Variants in PRDM1 observed in about 807,000 individuals in gnomAD.
PRDM1 encodes PR domain zinc finger protein 1.
PRDM1 carries 13 observed loss-of-function variants against 62.8 expected under a neutral mutation model. That is an observed-to-expected ratio of 0.21 (90% CI 0.13 to 0.33). The LOEUF is 0.33. Ranked by LOEUF, PRDM1 falls within the 10% of genes least tolerant of loss-of-function variation. The pLI, the probability that PRDM1 is intolerant of heterozygous loss-of-function variation, is 1.00. For missense variants in PRDM1, 895 were observed against 1,058.8 expected (o/e 0.85, Z 2.15); for synonymous variants, 396 against 417.6 (o/e 0.95, Z 0.63).
intron 1 of PRDM1, among the ~76,000 whole-genome samples, chr6:106,007,692 A>G (rs1347811736): frequency 6.6e-6 from 1 of 152,162 alleles, no homozygotes; most frequent in Non-Finnish European, 1.5e-5. Context: ...TCCTTTACCT[A>G]AGAGTTCTCC....
intron 1 of PRDM1, among the ~76,000 whole-genome samples, chr6:106,041,859 G>A (rs1342810511): frequency 1.4e-5 from 2 of 145,592 alleles, no homozygotes; most frequent in Admixed American, 7.0e-5. Flanking sequence ...TCAGGCTGGA[G>A]TATAATGGCA....
At chr6:106,031,690 A>AT (rs1455924382) in intron 1 of PRDM1, among the ~76,000 whole-genome samples, 3 of 152,142 alleles carry the variant, frequency 2.0e-5, no homozygotes, top group African/African-American at 7.2e-5. Context: ...GGAAACCATG[A>AT]TTTTATCTGA....
At position 106,059,303 on chromosome 6, in the gene PRDM1, ACT is replaced by A. The variant is rs373271915; in HGVS notation, c.-67+10594_-67+10595del. Among the ~76,000 whole-genome samples the A allele has an allele frequency of 6.2e-4, 95 of 152,228 alleles. 1 individual carries two copies. The East Asian group carries it at 0.016, about 25-fold the overall frequency. On this transcript the variant is annotated intron_variant, in intron 1 of 6. Coordinates refer to the PRDM1 transcript ENST00000651185. Reference sequence around the variant, plus strand: ...GATAGAGCTCTGTAGACCAAAAAAGACTCTCTGAGGAGGTGGCATTTGAGTAG... The same window carrying A: ...GATAGAGCTCTGTAGACCAAAAAAGACTCTGAGGAGGTGGCATTTGAGTAG...
upstream of PRDM1, among the ~76,000 whole-genome samples, chr6:106,044,131 G>T (rs1378394695): frequency 2.0e-4 from 30 of 150,138 alleles, no homozygotes; most frequent in East Asian, 5.2e-3. Flanking sequence ...TCTTTGGAAA[G>T]CAAAAGCTTT....
rs1460056074 is a variant in PRDM1 at position 106,105,888 on chromosome 6, A to G, written c.1728A>G (p.Glu576=). ...LKKQNGKIKY[E]CNVCAKTFGQ... ...AGCAGAACGGCAAGATCAAGTACGA[A>G]TGCAACGTTTGCGCCAAGACTTTCG... is the stretch of plus-strand genomic sequence containing the variant. The change falls in exon 5 of 7, where the codon GAA becomes GAG. Residue 576 remains glutamate (E), a synonymous_variant. Coordinates refer to ENST00000369096, the MANE Select transcript of PRDM1 (RefSeq NM_001198.4). 4 of 1,613,930 alleles carry G rather than the reference A, an allele frequency of 2.5e-6. No homozygotes were observed. Among genetic ancestry groups the G allele is most frequent in the Non-Finnish European group, 3.4e-6 (4 of 1,179,984 alleles).
Position 106,108,481 on chromosome 6 carries a change from G to A in PRDM1, c.*995G>A, listed in dbSNP as rs1289158016. On this transcript the variant is annotated 3_prime_UTR_variant, in exon 7 of 7. Transcript: ENST00000369096. ...TGGCTTTGTGTGTGTGCGATTTGGG[G>A]GCTTGAGTCTGGGTGGTGTTTTGTT... The A allele has an allele frequency of 4.3e-6, 1 of 231,700 alleles. No individual in the cohort carries two copies. The highest frequency in any genetic ancestry group is 8.5e-6 in the Non-Finnish European group (1 of 117,770). The allele number at this position is 231,700 out of a possible 1,614,324, so 14.4% of individuals were successfully genotyped here. A position where few individuals can be genotyped will look rare whatever the true frequency, so the allele number is the denominator to read the frequency against.
chr6:106,013,107 G>A (rs576184466), intron 1 of PRDM1, among the ~76,000 whole-genome samples: 58 of 151,166 alleles, frequency 3.8e-4, no homozygotes, highest in Admixed American at 8.6e-4. Flanking sequence ...GGCTGGTCTC[G>A]AACTGTCCTC....
At chr6:105,999,207 G>C (rs1772398738) in intron 1 of PRDM1, among the ~76,000 whole-genome samples, 1 of 151,652 alleles carries the variant, frequency 6.6e-6, no homozygotes, top group Non-Finnish European at 1.5e-5. Context: ...CCAAAGTGCT[G>C]GTAATACAGG....
chr6:106,003,814 T>C (rs1195203290), intron 1 of PRDM1, among the ~76,000 whole-genome samples: 1 of 152,184 alleles, frequency 6.6e-6, no homozygotes, highest in Non-Finnish European at 1.5e-5. Context: ...ATCTTACTTA[T>C]TTTTGGACAT....
chr6:106,017,924 C>G (rs1772643806), intron 1 of PRDM1, among the ~76,000 whole-genome samples: 1 of 152,036 alleles, frequency 6.6e-6, no homozygotes, highest in Non-Finnish European at 1.5e-5. Flanking sequence ...GTGCCTCTGG[C>G]TTTTGGAGAA....
At chr6:106,071,381 GTA>G (rs137909539) in intron 1 of PRDM1, among the ~76,000 whole-genome samples, 24 of 150,972 alleles carry the variant, frequency 1.6e-4, no homozygotes, top group East Asian at 3.9e-4. Context: ...AGTCACGTGT[GTA>G]TATATATATA....
At chr6:106,094,780 G>A (rs902102880) in intron 2 of PRDM1, among the ~76,000 whole-genome samples, 2 of 152,048 alleles carry the variant, frequency 1.3e-5, no homozygotes, top group African/African-American at 4.8e-5. Context: ...GTGCATGCCT[G>A]TAGTCCCAGC....
chr6:106,024,740 C>T (rs554813070), intron 1 of PRDM1, among the ~76,000 whole-genome samples: 12 of 152,272 alleles, frequency 7.9e-5, no homozygotes, highest in African/African-American at 2.9e-4. Context: ...TGATTTTATA[C>T]ACCACTGAGA....
At chr6:106,103,740 A>G (rs1774345811) in intron 4 of PRDM1, among the ~76,000 whole-genome samples, 1 of 152,168 alleles carries the variant, frequency 6.6e-6, no homozygotes, top group Non-Finnish European at 1.5e-5. Context: ...ATCTTTACCA[A>G]GTAATAACGT....
intron 1 of PRDM1, among the ~76,000 whole-genome samples, chr6:106,014,568 ATAATGTAAGTCTAAATTTAATCTG>A (rs1429965023): frequency 6.6e-6 from 1 of 151,754 alleles, no homozygotes; most frequent in African/African-American, 2.4e-5. Context: ...CGTTTAATCT[ATAATGTAAGTCTAAATTTAATCTG>A]TAACAAATGT....
chr6:106,042,673 C>G (rs1279995675), intron 1 of PRDM1, among the ~76,000 whole-genome samples: 1 of 152,158 alleles, frequency 6.6e-6, no homozygotes, highest in Non-Finnish European at 1.5e-5. Flanking sequence ...ACAAATTCTT[C>G]TCTTATCATG....
At chr6:106,080,576 G>A (rs961215443) in intron 1 of PRDM1, among the ~76,000 whole-genome samples, 3 of 152,294 alleles carry the variant, frequency 2.0e-5, no homozygotes, top group East Asian at 1.9e-4. Flanking sequence ...CCCTGAATGC[G>A]AGAGCCAGGC....
intron 1 of PRDM1, among the ~76,000 whole-genome samples, chr6:106,024,138 T>G (rs1240170910): frequency 7.1e-6 from 1 of 140,426 alleles, no homozygotes; most frequent in Non-Finnish European, 1.6e-5. Flanking sequence ...CAAGACCGTG[T>G]CTCAAAAAAA....
At chr6:106,056,236 G>A (rs913521795) in intron 1 of PRDM1, among the ~76,000 whole-genome samples, 10 of 152,088 alleles carry the variant, frequency 6.6e-5, no homozygotes, top group African/African-American at 1.9e-4. Context: ...CTGTTGTCCT[G>A]CAAGTGAGCC....
Sources: allele counts gnomAD v4.1 joint callset (sites outside exome capture counted in the v4.1 genomes callset), GRCh38; gene constraint gnomAD v4.1.1; transcripts MANE v1.5; gene names NCBI Gene and HGNC (gene_info 2026-07-23, HGNC 2026-07-21).